DSCAM: variants seen among roughly 807,000 people sequenced by gnomAD.
DSCAM encodes the protein DS cell adhesion molecule.
A neutral mutation model predicts 217.7 loss-of-function variants in DSCAM; 47 were observed. That is an observed-to-expected ratio of 0.22 (90% CI 0.17 to 0.28). The LOEUF is 0.28. DSCAM is among the 10% of genes least tolerant of loss of function. DSCAM has a pLI of 1.00. For missense variants in DSCAM, 2,080 were observed against 2,618.3 expected, an observed-to-expected ratio of 0.79 and a Z score of 4.49; for synonymous variants, 1,056 against 1,015.3, an observed-to-expected ratio of 1.04 and a Z score of -0.76.
intron 30 of DSCAM, among the ~76,000 whole-genome samples, chr21:40,049,302 T>C (rs1466435128): frequency 6.6e-6 from 1 of 152,148 alleles, no homozygotes; most frequent in Non-Finnish European, 1.5e-5. Flanking sequence ...TTCCCTGCCT[T>C]TCACTGTGCT....
intron 30 of DSCAM, 137 bp downstream of exon 30, chr21:40,051,821 T>C (rs1310504219): frequency 2.8e-6 from 3 of 1,081,316 alleles, no homozygotes; most frequent in Non-Finnish European, 3.9e-6. Context: ...TTATCCCAAT[T>C]AGGGATGTTA....
At chr21:40,277,216 C>T (rs183521841) in intron 10 of DSCAM, among the ~76,000 whole-genome samples, 13 of 152,192 alleles carry the variant, frequency 8.5e-5, no homozygotes, top group African/African-American at 3.1e-4. Flanking sequence ...GGAAGCTCAA[C>T]GTTTGGGCCA....
intron 32 of DSCAM, among the ~76,000 whole-genome samples, chr21:40,017,665 C>G (rs1025298884): frequency 1.8e-4 from 27 of 152,124 alleles, no homozygotes; most frequent in Non-Finnish European, 2.4e-4. Context: ...GATTCTCCCC[C>G]CTCAGCCTCC....
At chr21:40,146,195 C>T (rs1014467277) in intron 16 of DSCAM, among the ~76,000 whole-genome samples, 3 of 143,140 alleles carry the variant, frequency 2.1e-5, no homozygotes, top group Admixed American at 1.5e-4. Context: ...GGCCAGCAGG[C>T]ATCTAGAAAG....
intron 3 of DSCAM, among the ~76,000 whole-genome samples, chr21:40,664,920 T>C (rs560608761): frequency 6.6e-6 from 1 of 152,248 alleles, no homozygotes; most frequent in Admixed American, 6.5e-5. Context: ...GATAAGTGAG[T>C]TCTCACTCAG....
intron 3 of DSCAM, among the ~76,000 whole-genome samples, chr21:40,585,111 C>T (rs962046517): frequency 6.6e-6 from 1 of 151,646 alleles, no homozygotes. Flanking sequence ...GAGGGCTCAC[C>T]AGAAGCCAAG....
intron 1 of DSCAM, among the ~76,000 whole-genome samples, chr21:40,744,215 G>A (rs1025365636): frequency 6.6e-6 from 1 of 152,154 alleles, no homozygotes; most frequent in Non-Finnish European, 1.5e-5. Flanking sequence ...GAACCCCTGG[G>A]AGAGCTAGGA....
intron 10 of DSCAM, among the ~76,000 whole-genome samples, chr21:40,287,677 T>C (rs1418959946): frequency 6.6e-6 from 1 of 152,202 alleles, no homozygotes; most frequent in Non-Finnish European, 1.5e-5. Context: ...CCCCCTGTGA[T>C]GAGTCTATAA....
chr21:40,638,772 C>T (rs940616615), intron 3 of DSCAM, among the ~76,000 whole-genome samples: 2 of 152,098 alleles, frequency 1.3e-5, no homozygotes, highest in Non-Finnish European at 2.9e-5. Flanking sequence ...ATTTTCTCCT[C>T]GTTATTGGCA....
intron 3 of DSCAM, among the ~76,000 whole-genome samples, chr21:40,461,906 G>A (rs941598465): frequency 6.6e-6 from 1 of 152,206 alleles, no homozygotes; most frequent in African/African-American, 2.4e-5. Context: ...CCCAGAAAGG[G>A]ACCTAGCTCT....
chr21:40,456,341 A>C (rs2075763325), intron 3 of DSCAM, among the ~76,000 whole-genome samples: 1 of 152,026 alleles, frequency 6.6e-6, no homozygotes, highest in Non-Finnish European at 1.5e-5. Context: ...AATTACACCA[A>C]TCTCAGATTT....
At chr21:40,353,292 G>A (rs2074653640) in intron 5 of DSCAM, among the ~76,000 whole-genome samples, 173 bp downstream of exon 5, 1 of 152,136 alleles carries the variant, frequency 6.6e-6, no homozygotes, top group African/African-American at 2.4e-5. Flanking sequence ...GTAACCTTGG[G>A]GAATTCATCT....
At chr21:40,358,925 T>C (rs2074727202) in intron 4 of DSCAM, among the ~76,000 whole-genome samples, 1 of 152,036 alleles carries the variant, frequency 6.6e-6, no homozygotes, top group African/African-American at 2.4e-5. Context: ...AAAATGCTTA[T>C]ATCTCTATAA....
At chr21:40,592,705 A>C (rs1044180738) in intron 3 of DSCAM, among the ~76,000 whole-genome samples, 1 of 152,130 alleles carries the variant, frequency 6.6e-6, no homozygotes, top group Non-Finnish European at 1.5e-5. Flanking sequence ...CTTCCTGACC[A>C]TCTCATCCAT....
chr21:40,411,749 G>T (rs865778345), intron 3 of DSCAM, among the ~76,000 whole-genome samples: 9 of 152,138 alleles, frequency 5.9e-5, no homozygotes, highest in African/African-American at 2.2e-4. Context: ...AGATGCCACT[G>T]AAGATCTTCC....
chr21:40,785,082 A>C (rs2091581029), intron 1 of DSCAM, among the ~76,000 whole-genome samples: 1 of 152,236 alleles, frequency 6.6e-6, no homozygotes, highest in South Asian at 2.1e-4. Flanking sequence ...AGCTTTTTAG[A>C]AGTAGAGACC....
chr21:40,286,869 A>T (rs200927541), intron 10 of DSCAM, among the ~76,000 whole-genome samples: 3 of 131,426 alleles, frequency 2.3e-5, no homozygotes, highest in Admixed American at 7.8e-5. Flanking sequence ...GTGTGATCCA[A>T]GGTGTGATCT....
intron 1 of DSCAM, among the ~76,000 whole-genome samples, chr21:40,809,404 G>A (rs188723259): frequency 6.6e-6 from 1 of 152,326 alleles, no homozygotes; most frequent in Admixed American, 6.5e-5. Flanking sequence ...AGGCATGAGA[G>A]ATATTTTGGG....
Position 40,510,807 on chromosome 21 carries a change from T to C in DSCAM, c.509-141562A>G, listed in dbSNP as rs79361727. Among the ~76,000 whole-genome samples, 1,416 of 152,318 alleles carry C rather than the reference T, an allele frequency of 9.3e-3. 24 individuals are homozygous for C. The highest frequency in any genetic ancestry group is 0.032 in the African/African-American group (1,341 of 41,556). ...TGTCTGTAAGTTACATAGTAAACAG[T>C]ATGCCAACAATTGGAGAACTCCTGA... On this transcript the variant is annotated intron_variant, in intron 3 of 32. Coordinates refer to ENST00000400454, the MANE Select transcript of DSCAM (RefSeq NM_001389.5).
Sources: gnomAD v4.1 joint callset for allele counts (sites outside exome capture counted in the v4.1 genomes callset) on GRCh38, gnomAD v4.1.1 for gene constraint, MANE v1.5 for transcripts, NCBI Gene and HGNC (gene_info 2026-07-23, HGNC 2026-07-21) for gene names.